The following GLI2 variants were observed in gnomAD, a reference collection of about 807,000 sequenced individuals.
GLI2 encodes the protein transcription activator GLI2.
GLI2 carries 22 observed loss-of-function variants against 78.9 expected under a neutral mutation model. The observed-to-expected ratio is 0.28, with a 90% CI of 0.20 to 0.40. The LOEUF is 0.40. GLI2 is among the 10% of genes least tolerant of loss of function. The pLI, the probability that GLI2 is intolerant of heterozygous loss-of-function variation, is 1.00. For synonymous variants in GLI2, 974 were observed against 963.7 expected (o/e 1.01, Z -0.20); for missense variants, 2,097 against 2,213.2 (o/e 0.95, Z 1.05).
Position 120,984,672 on chromosome 2 carries a change from G to C in GLI2, c.1834G>C (p.Glu612Gln). ...GGAGCCTGGCGGCCCAGAGAGCACC[G>C]AGGCCAGCAGCACCAGCCAGGCCGT... ...GTEPGGPESTEASSTSQAVED... is the reference protein window; with the variant it reads ...GTEPGGPESTQASSTSQAVED... Residue 612 changes from glutamate to glutamine, a missense_variant, in exon 12 of 14, where the codon GAG becomes CAG. Physicochemically the swap from Glu to Gln is conservative, Grantham distance 29. This residue lies in a region of GLI2 where 68 missense variants were observed against 104.4 expected (regional missense o/e 0.65). Transcript: ENST00000361492. 6.2e-7 allele frequency: 1 copy of C among 1,613,702 alleles called. No homozygotes were observed. Among genetic ancestry groups the C allele is most frequent in the Non-Finnish European group, 8.5e-7 (1 of 1,180,002 alleles).
At chr2:120,893,655 AAG>A in intron 2 of GLI2, among the ~76,000 whole-genome samples, 1 of 150,554 alleles carries the variant, frequency 6.6e-6, no homozygotes, top group South Asian at 2.1e-4. Flanking sequence ...AAAAAGAAGA[AAG>A]AAAAAAAAAA....
chr2:120,832,293 C>T (rs974455463), intron 2 of GLI2, among the ~76,000 whole-genome samples: 1 of 152,160 alleles, frequency 6.6e-6, no homozygotes, highest in African/African-American at 2.4e-5. Context: ...TACCCAGAAC[C>T]CCATCACCCT....
intron 2 of GLI2, among the ~76,000 whole-genome samples, chr2:120,828,846 C>T (rs540537893): frequency 3.0e-5 from 4 of 133,012 alleles, no homozygotes; most frequent in Admixed American, 1.7e-4. Flanking sequence ...CTGCTGAGGC[C>T]GTGACTTCCA....
chr2:120,760,523 T>C (rs1683181854), intron 1 of GLI2, among the ~76,000 whole-genome samples: 1 of 152,196 alleles, frequency 6.6e-6, no homozygotes, highest in Admixed American at 6.5e-5. Context: ...GGCACTTGTA[T>C]GTAGAGACAT....
At chr2:120,948,372 A>T (rs2104941081) in intron 3 of GLI2, among the ~76,000 whole-genome samples, 1 of 152,232 alleles carries the variant, frequency 6.6e-6, no homozygotes, top group South Asian at 2.1e-4. Context: ...AGAGAGGAAA[A>T]GGCTGCCCTG....
At chr2:120,826,370 T>C (rs1485900024) in intron 2 of GLI2, among the ~76,000 whole-genome samples, 2 of 152,170 alleles carry the variant, frequency 1.3e-5, no homozygotes, top group African/African-American at 4.8e-5. Context: ...GAGTTTTTAT[T>C]CAGCTTCTGA....
At chr2:120,906,511 G>C (rs1339826685) in intron 2 of GLI2, among the ~76,000 whole-genome samples, 1 of 152,100 alleles carries the variant, frequency 6.6e-6, no homozygotes, top group African/African-American at 2.4e-5. Flanking sequence ...CCTGTCCCCA[G>C]GCTCTAGCTC....
intron 2 of GLI2, among the ~76,000 whole-genome samples, chr2:120,876,296 A>C (rs942597080): frequency 2.6e-5 from 4 of 152,160 alleles, no homozygotes; most frequent in African/African-American, 4.8e-5. Flanking sequence ...GAGCCGAGAT[A>C]GCGCCACTGC....
chr2:120,821,478 C>G (rs1220028513), intron 2 of GLI2, among the ~76,000 whole-genome samples: 1 of 152,088 alleles, frequency 6.6e-6, no homozygotes, highest in African/African-American at 2.4e-5. Flanking sequence ...TCATTCTGGC[C>G]GAGACTGTCA....
intron 2 of GLI2, among the ~76,000 whole-genome samples, chr2:120,831,846 T>G (rs1292699109): frequency 6.6e-6 from 1 of 152,206 alleles, no homozygotes; most frequent in East Asian, 1.9e-4. Flanking sequence ...GCTCACAAAG[T>G]ACCTGCGTGG....
At chr2:120,938,268 T>A (rs916592682) in intron 3 of GLI2, among the ~76,000 whole-genome samples, 2 of 152,016 alleles carry the variant, frequency 1.3e-5, no homozygotes, top group Admixed American at 6.6e-5. Context: ...ACCTCACTCC[T>A]CCCCTCCCTA....
At chr2:120,791,803 A>T (rs1272024536) in intron 1 of GLI2, among the ~76,000 whole-genome samples, 2 of 152,064 alleles carry the variant, frequency 1.3e-5, no homozygotes, top group Non-Finnish European at 2.9e-5. Flanking sequence ...GTGCCCATGC[A>T]CACGTCTGTG....
At position 120,965,581 on chromosome 2, in the gene GLI2, G is replaced by A. The variant is rs112316500; in HGVS notation, c.644-3133G>A. ...TGCAGATGCTGCGGCAGAGGGGCAC[G>A]CTCCAGCCGGGATGCAGATGCTGCG... On this transcript the variant is annotated intron_variant, in intron 5 of 13. Transcript: ENST00000361492. Among the ~76,000 whole-genome samples, 678 of 75,550 alleles carry A rather than the reference G, an allele frequency of 9.0e-3. 33 individuals carry two copies. Among genetic ancestry groups the A allele is most frequent in the African/African-American group, 0.04 (607 of 15,184 alleles). 49.6% of individuals were successfully genotyped at this position (75,550 alleles called of 152,430 possible).
chr2:120,988,500 G>A lies in GLI2; in HGVS notation c.2535G>A (p.Ala845=), dbSNP rs1683095509. Reference sequence around the variant, plus strand: ...CCTACGACCCCATCTCCACGGACGCGTCGCGGCGCTCGAGCGAGGCCAGCC... The same window carrying A: ...CCTACGACCCCATCTCCACGGACGCATCGCGGCGCTCGAGCGAGGCCAGCC... ...ADSYDPISTD[A]SRRSSEASQC... The change falls in exon 14 of 14, where the codon GCG becomes GCA. Residue 845 remains alanine, a synonymous_variant. Transcript: ENST00000361492. The A allele has an allele frequency of 1.3e-6, 2 of 1,534,864 alleles. No homozygotes were observed. The highest frequency in any genetic ancestry group is 1.4e-5 in the African/African-American group (1 of 70,398).
intron 2 of GLI2, among the ~76,000 whole-genome samples, chr2:120,921,892 A>G (rs547947649): frequency 6.6e-6 from 1 of 152,200 alleles, no homozygotes; most frequent in African/African-American, 2.4e-5. Flanking sequence ...TGCTGAAATC[A>G]CTGAGTTCTC....
intron 1 of GLI2, among the ~76,000 whole-genome samples, chr2:120,786,626 C>T (rs1268383711): frequency 6.6e-6 from 1 of 152,196 alleles, no homozygotes; most frequent in African/African-American, 2.4e-5. Context: ...GGCTTCAGTG[C>T]TAAGTACTAT....
chr2:120,824,115 T>C (rs2104754231), intron 2 of GLI2, among the ~76,000 whole-genome samples: 1 of 152,286 alleles, frequency 6.6e-6, no homozygotes, highest in South Asian at 2.1e-4. Context: ...TGGGATGACT[T>C]TGTAGCAGTG....
intron 2 of GLI2, among the ~76,000 whole-genome samples, chr2:120,874,639 T>C (rs1688641092): frequency 6.6e-6 from 1 of 152,242 alleles, no homozygotes; most frequent in Non-Finnish European, 1.5e-5. Context: ...TCTCTCGGCA[T>C]GCATTGTTTT....
chr2:120,766,580 A>G (rs1683373551), intron 1 of GLI2, among the ~76,000 whole-genome samples: 1 of 152,230 alleles, frequency 6.6e-6, no homozygotes. Context: ...CACCAGAAGC[A>G]GGAGGAAGCC....
Sources: allele counts gnomAD v4.1 joint callset (sites outside exome capture counted in the v4.1 genomes callset), GRCh38; gene constraint gnomAD v4.1.1; regional missense constraint gnomAD v4.1.1; transcripts MANE v1.5; gene names NCBI Gene and HGNC (gene_info 2026-07-23, HGNC 2026-07-21).